The following COP1 variants were observed in gnomAD, a reference collection of about 807,000 sequenced individuals.
COP1 encodes the protein E3 ubiquitin-protein ligase COP1.
A neutral mutation model predicts 101.3 loss-of-function variants in COP1; 24 were observed. The observed-to-expected ratio is 0.24, with a 90% CI of 0.17 to 0.33. The LOEUF (loss-of-function observed/expected upper bound fraction) is 0.33, where lower values mean the gene tolerates loss of function less well. COP1 is among the 10% of genes least tolerant of loss of function. COP1 has a pLI of 1.00. For missense variants in COP1, 663 were observed against 906.2 expected (o/e 0.73, Z 3.45); for synonymous variants, 347 against 341.9 (o/e 1.01, Z -0.17).
At chr1:176,097,870 A>AAG (rs1421377323) in intron 9 of COP1, among the ~76,000 whole-genome samples, 9 of 78,776 alleles carry the variant, frequency 1.1e-4, no homozygotes, top group Middle Eastern at 8.5e-3. Flanking sequence ...CTCCATCTCA[A>AAG]AAAAAAAAAA....
chr1:176,068,957 C>T (rs1676493282), intron 11 of COP1, among the ~76,000 whole-genome samples: 3 of 152,136 alleles, frequency 2.0e-5, no homozygotes, highest in Admixed American at 1.3e-4. Flanking sequence ...GAGGCCAAGG[C>T]AGGTGGATCA....
chr1:176,186,024 A>C (rs1217997294), intron 1 of COP1, among the ~76,000 whole-genome samples: 2 of 152,190 alleles, frequency 1.3e-5, no homozygotes, highest in Non-Finnish European at 2.9e-5. Flanking sequence ...GAAAATATAT[A>C]CAATATATAC....
chr1:176,121,229 T>C (rs1687066555), intron 8 of COP1, among the ~76,000 whole-genome samples: 1 of 151,820 alleles, frequency 6.6e-6, no homozygotes, highest in Admixed American at 6.6e-5. Context: ...TTTTTAATAA[T>C]TTAATATTTT....
chr1:176,039,786 A>G (rs1450130948), intron 14 of COP1, among the ~76,000 whole-genome samples: 1 of 152,156 alleles, frequency 6.6e-6, no homozygotes, highest in Non-Finnish European at 1.5e-5. Context: ...AATTTTTGAC[A>G]AGGGTGCCAG....
chr1:176,046,050 G>T, intron 12 of COP1, 131 bp downstream of exon 12: 1 of 687,922 alleles, frequency 1.5e-6, no homozygotes. Flanking sequence ...TATATACTCT[G>T]TATACATAGT....
At chr1:176,170,719 C>T (rs1333029769) in intron 3 of COP1, among the ~76,000 whole-genome samples, 1 of 152,124 alleles carries the variant, frequency 6.6e-6, no homozygotes, top group African/African-American at 2.4e-5. Context: ...CACTTAAAGT[C>T]ACCAGCTGCA....
At chr1:176,167,383 G>A (rs577471847) in intron 3 of COP1, among the ~76,000 whole-genome samples, 51 of 151,938 alleles carry the variant, frequency 3.4e-4, no homozygotes, top group African/African-American at 1.2e-3. Flanking sequence ...GGTCCCTGAC[G>A]CATAGTAGGC....
At chr1:175,991,189 G>C (rs918497806) in intron 15 of COP1, among the ~76,000 whole-genome samples, 4 of 152,072 alleles carry the variant, frequency 2.6e-5, no homozygotes, top group Admixed American at 2.6e-4. Context: ...CACTGTGTGA[G>C]CATACAGTGT....
chr1:176,075,230 G>A (rs924183563), intron 11 of COP1, among the ~76,000 whole-genome samples: 10 of 152,022 alleles, frequency 6.6e-5, no homozygotes, highest in Non-Finnish European at 1.0e-4. Context: ...CCAACATACA[G>A]AAAAATAAAG....
chr1:176,003,692 T>A (rs1662366064), intron 15 of COP1, among the ~76,000 whole-genome samples: 1 of 152,146 alleles, frequency 6.6e-6, no homozygotes, highest in African/African-American at 2.4e-5. Context: ...AGGGCTCTGT[T>A]CTGTTCCATT....
At chr1:176,180,267 G>T (rs1381282497) in intron 2 of COP1, among the ~76,000 whole-genome samples, 1 of 152,136 alleles carries the variant, frequency 6.6e-6, no homozygotes, top group Non-Finnish European at 1.5e-5. Context: ...ATACAGCCAG[G>T]AAAGCAACAT....
intron 1 of COP1, among the ~76,000 whole-genome samples, chr1:176,196,275 T>C (rs1434572120): frequency 6.6e-6 from 1 of 152,022 alleles, no homozygotes; most frequent in African/African-American, 2.4e-5. Context: ...ATTAGTGGAA[T>C]AGAAAATGAA....
intron 5 of COP1, among the ~76,000 whole-genome samples, chr1:176,162,085 A>T (rs1694421305): frequency 6.6e-6 from 1 of 152,246 alleles, no homozygotes; most frequent in Admixed American, 6.5e-5. Context: ...AAACAGGCAT[A>T]AGGGGCACAA....
chr1:176,187,135 C>A (rs1698557921), intron 1 of COP1, among the ~76,000 whole-genome samples: 1 of 151,884 alleles, frequency 6.6e-6, no homozygotes, highest in Non-Finnish European at 1.5e-5. Context: ...GGTCTCCATT[C>A]TTTTTTTGAG....
chr1:176,198,525 T>A (rs1377765656), intron 1 of COP1, among the ~76,000 whole-genome samples: 2 of 152,104 alleles, frequency 1.3e-5, no homozygotes. Flanking sequence ...CAAGAGAATG[T>A]TTTCTAATTT....
chr1:175,949,243 T>A (rs1409770673), intron 18 of COP1, among the ~76,000 whole-genome samples: 2 of 124,372 alleles, frequency 1.6e-5, no homozygotes, highest in Non-Finnish European at 3.2e-5. Flanking sequence ...TGGAATATTA[T>A]GGGCTATTTC....
chr1:176,062,493 A>T (rs139533007), intron 11 of COP1, among the ~76,000 whole-genome samples: 1 of 152,218 alleles, frequency 6.6e-6, no homozygotes, highest in African/African-American at 2.4e-5. Flanking sequence ...AATGCTAAGA[A>T]TTGCTGAGGA....
At chr1:175,958,667 T>C (rs1320738613) in intron 18 of COP1, among the ~76,000 whole-genome samples, 1 of 137,130 alleles carries the variant, frequency 7.3e-6, no homozygotes, top group Non-Finnish European at 1.7e-5. Context: ...TCCCTCAGAA[T>C]GAGAATAAAT....
chr1:176,136,506 C>G lies in COP1; in HGVS notation c.873G>C (p.Glu291Asp), dbSNP rs201943014. 5 of 1,605,348 alleles carry G rather than the reference C, an allele frequency of 3.1e-6. No homozygotes were observed. The East Asian group carries it at 1.1e-4, about 36-fold the overall frequency. Residue 291 changes from glutamate to aspartate, a missense_variant, in exon 7 of 20, where the codon GAG becomes GAC. Around this residue, in one of 4 missense-constraint regions of COP1, gnomAD observed 212 missense variants for 240.7 expected, o/e 0.88. Coordinates refer to ENST00000367669, the MANE Select transcript of COP1 (RefSeq NM_022457.7). ...TCCTTACTTCCACTCTCTTAATATC[C>G]TCTTCCAAAACACTTAGCTCCTTCT... The part of the protein sequence containing the change: ...QIQKELSVLE[E>D]DIKRVEEMSG...
Sources: allele counts gnomAD v4.1 joint callset (sites outside exome capture counted in the v4.1 genomes callset), GRCh38; gene constraint gnomAD v4.1.1; regional missense constraint gnomAD v4.1.1; transcripts MANE v1.5; gene names NCBI Gene and HGNC (gene_info 2026-07-23, HGNC 2026-07-21).